Variants in KCNIP4 observed in about 807,000 individuals in gnomAD.
KCNIP4 encodes Kv channel-interacting protein 4.
A neutral mutation model predicts 34.0 loss-of-function variants in KCNIP4; 12 were observed. The observed-to-expected ratio is 0.35, with a 90% CI of 0.23 to 0.57. KCNIP4 has a LOEUF of 0.57. KCNIP4 is among the 20% of genes least tolerant of loss of function. The pLI, the probability that KCNIP4 is intolerant of heterozygous loss-of-function variation, is 0.83. For missense variants in KCNIP4, 238 were observed against 311.7 expected, an observed-to-expected ratio of 0.76 and a Z score of 1.78; for synonymous variants, 124 against 102.2, an observed-to-expected ratio of 1.21 and a Z score of -1.29.
chr4:21,467,073 A>AACAAAC (rs1730023510), intron 1 of KCNIP4, among the ~76,000 whole-genome samples: 2 of 139,758 alleles, frequency 1.4e-5, no homozygotes, highest in African/African-American at 5.3e-5. Flanking sequence ...AACCAAAACA[A>AACAAAC]ACACACACAC....
At chr4:21,236,349 A>G (rs1239969750) in intron 1 of KCNIP4, among the ~76,000 whole-genome samples, 1 of 152,176 alleles carries the variant, frequency 6.6e-6, no homozygotes, top group Admixed American at 6.6e-5. Flanking sequence ...TGGACTGGTG[A>G]CATTTGTATA....
At chr4:20,730,474 A>G (rs551323326) in intron 8 of KCNIP4, among the ~76,000 whole-genome samples, 10 of 152,014 alleles carry the variant, frequency 6.6e-5, no homozygotes, top group African/African-American at 2.2e-4. Flanking sequence ...GAATTTTGGC[A>G]TTCTATGTAG....
rs1012963492 is a variant in KCNIP4 at position 21,135,977 on chromosome 4, A to G, written c.62-253268T>C. On this transcript the variant is annotated intron_variant, in intron 1 of 8. Coordinates refer to ENST00000382152, the MANE Select transcript of KCNIP4 (RefSeq NM_025221.6). ...CAGTCAGTCATAACTGTTACTATTCATGTAAACAGCTTAAGTAGTAGTATT... is the reference window on the plus strand; with the variant it reads ...CAGTCAGTCATAACTGTTACTATTCGTGTAAACAGCTTAAGTAGTAGTATT... 2.6e-5 allele frequency among the ~76,000 whole-genome samples: 4 copies of G among 152,246 alleles called. No homozygotes were observed. The South Asian group carries it at 8.3e-4, about 31-fold the overall frequency.
chr4:21,003,555 C>T (rs750458126), intron 1 of KCNIP4, among the ~76,000 whole-genome samples: 1 of 152,108 alleles, frequency 6.6e-6, no homozygotes, highest in Admixed American at 6.5e-5. Flanking sequence ...AAAATAGAAA[C>T]TGGAGAGAAC....
At chr4:21,662,382 A>G (rs964485226) in intron 1 of KCNIP4, among the ~76,000 whole-genome samples, 23 of 152,250 alleles carry the variant, frequency 1.5e-4, no homozygotes, top group African/African-American at 5.5e-4. Flanking sequence ...TCTCCGTACC[A>G]ATACATATCA....
intron 1 of KCNIP4, among the ~76,000 whole-genome samples, chr4:21,250,934 T>C (rs1016030582): frequency 7.9e-5 from 12 of 151,082 alleles, no homozygotes; most frequent in Non-Finnish European, 1.8e-4. Flanking sequence ...TATTTAAATA[T>C]ACATATACAA....
intron 1 of KCNIP4, among the ~76,000 whole-genome samples, chr4:20,918,582 T>G (rs1170590653): frequency 6.6e-6 from 1 of 152,138 alleles, no homozygotes; most frequent in Non-Finnish European, 1.5e-5. Context: ...ATTAAGAAAT[T>G]CCTACTGGAT....
intron 1 of KCNIP4, among the ~76,000 whole-genome samples, chr4:21,758,080 A>T (rs969675975): frequency 2.0e-5 from 3 of 152,244 alleles, no homozygotes; most frequent in Non-Finnish European, 2.9e-5. Context: ...CTGCAAAGAA[A>T]GGAACACAGG....
chr4:21,395,263 A>G (rs922944865), intron 1 of KCNIP4, among the ~76,000 whole-genome samples: 7 of 152,152 alleles, frequency 4.6e-5, no homozygotes, highest in Non-Finnish European at 1.5e-5. Context: ...ACTACCACAG[A>G]TTCCCTCTTG....
intron 1 of KCNIP4, among the ~76,000 whole-genome samples, chr4:21,555,100 GC>G (rs1738898043): frequency 6.6e-6 from 1 of 152,052 alleles, no homozygotes; most frequent in African/African-American, 2.4e-5. Context: ...ACAGTTATTA[GC>G]CTGTTCTTTG....
At chr4:21,177,689 A>T (rs894297045) in intron 1 of KCNIP4, among the ~76,000 whole-genome samples, 1 of 150,654 alleles carries the variant, frequency 6.6e-6, no homozygotes, top group East Asian at 1.9e-4. Flanking sequence ...AAACAAAAAC[A>T]AACAAACAAA....
At chr4:20,946,965 A>G (rs1005299476) in intron 1 of KCNIP4, among the ~76,000 whole-genome samples, 2 of 152,106 alleles carry the variant, frequency 1.3e-5, no homozygotes, top group African/African-American at 4.8e-5. Flanking sequence ...GCCTGCCTAT[A>G]TGTATTTTTA....
intron 1 of KCNIP4, among the ~76,000 whole-genome samples, chr4:21,195,585 G>A (rs1043302195): frequency 6.6e-6 from 1 of 152,092 alleles, no homozygotes; most frequent in African/African-American, 2.4e-5. Context: ...TTGGACATGT[G>A]GTAGAAAACA....
chr4:21,430,881 A>G (rs1726382890), intron 1 of KCNIP4, among the ~76,000 whole-genome samples: 3 of 152,068 alleles, frequency 2.0e-5, no homozygotes, highest in Admixed American at 2.0e-4. Context: ...GTGGAGCCAA[A>G]GATAAAAATA....
At chr4:21,865,566 G>A (rs1725364562) in intron 1 of KCNIP4, among the ~76,000 whole-genome samples, 1 of 151,838 alleles carries the variant, frequency 6.6e-6, no homozygotes, top group African/African-American at 2.4e-5. Flanking sequence ...TTTTTGAGAT[G>A]GAGTTTCGCT....
At chr4:21,418,626 A>T (rs1435262659) in intron 1 of KCNIP4, among the ~76,000 whole-genome samples, 2 of 152,196 alleles carry the variant, frequency 1.3e-5, no homozygotes, top group Non-Finnish European at 2.9e-5. Flanking sequence ...ATGCAATTTT[A>T]AAAAATCATC....
chr4:21,846,730 G>C (rs911405857), intron 1 of KCNIP4: 1 of 152,146 alleles, frequency 6.6e-6, no homozygotes, highest in African/African-American at 2.4e-5. Flanking sequence ...ATTTTCTGGA[G>C]GCTCAATCAG....
intron 1 of KCNIP4, among the ~76,000 whole-genome samples, chr4:21,615,419 G>A (rs1744514951): frequency 6.6e-6 from 1 of 151,474 alleles, no homozygotes; most frequent in Non-Finnish European, 1.5e-5. Flanking sequence ...GGTGGTGGGC[G>A]CCTGTAGGCC....
chr4:21,909,900 T>G (rs1728206442), intron 1 of KCNIP4, among the ~76,000 whole-genome samples: 1 of 152,036 alleles, frequency 6.6e-6, no homozygotes, highest in African/African-American at 2.4e-5. Flanking sequence ...AAGGATAGTA[T>G]GGGGGAAACT....
Sources: gnomAD v4.1 joint callset for allele counts (sites outside exome capture counted in the v4.1 genomes callset) on GRCh38, gnomAD v4.1.1 for gene constraint, MANE v1.5 for transcripts, NCBI Gene and HGNC (gene_info 2026-07-23, HGNC 2026-07-21) for gene names.